POLE2: variants seen among roughly 807,000 people sequenced by gnomAD.
The protein encoded by POLE2 is DNA polymerase epsilon 2, accessory subunit.
POLE2 carries 56 observed loss-of-function variants against 79.4 expected under a neutral mutation model. That is an observed-to-expected ratio of 0.71 (90% confidence interval 0.57 to 0.88). The LOEUF is 0.88. POLE2 is among the 40% of genes least tolerant of loss of function. The pLI is 0.00. For synonymous variants in POLE2, 212 were observed against 214.0 expected (o/e 0.99, Z 0.08); for missense variants, 598 against 638.9 (o/e 0.94, Z 0.69).
intron 2 of POLE2, among the ~76,000 whole-genome samples, chr14:49,681,655 T>C (rs1352550618): frequency 6.6e-6 from 1 of 151,848 alleles, no homozygotes; most frequent in African/African-American, 2.4e-5. Flanking sequence ...GCACCTGTAG[T>C]CCCAGCTACT....
chr14:49,677,828 T>C, intron 3 of POLE2: 1 of 503,706 alleles, frequency 2.0e-6, no homozygotes, highest in Non-Finnish European at 3.4e-6. Flanking sequence ...TCACAATGCT[T>C]GCCTCCTCAG....
Position 49,655,740 on chromosome 14 carries a change from ACATAG to A in POLE2, c.854_858del (p.Ala285ValfsTer6). On this transcript the variant is annotated frameshift_variant, in exon 11 of 19. Transcript: ENST00000216367. LOFTEE classifies it high-confidence loss of function. ...AACCAAACATCAGATAAAAACACAA[ACATAG>A]CATCTTTATTCTCCTCTTCTAGCTG... The A allele has an allele frequency of 6.2e-7, 1 of 1,611,814 alleles. No individual in the cohort carries two copies. The highest frequency in any genetic ancestry group is 8.5e-7 in the Non-Finnish European group (1 of 1,178,498).
chr14:49,654,588 C>A (rs1016220619), intron 13 of POLE2, 196 bp downstream of exon 13: 5 of 604,758 alleles, frequency 8.3e-6, no homozygotes, highest in African/African-American at 7.8e-5. Flanking sequence ...GCTGAAATTA[C>A]CTCTATCCCT....
chr14:49,660,734 A>T (rs1885040904), intron 10 of POLE2, among the ~76,000 whole-genome samples: 1 of 152,176 alleles, frequency 6.6e-6, no homozygotes, highest in Non-Finnish European at 1.5e-5. Context: ...TCTACTAAAA[A>T]TACAAAATTA....
In POLE2 at chr14:49,678,003, A is replaced by AT. The variant is rs762661315; in HGVS notation, c.245+1721dup. On this transcript the variant is annotated intron_variant, in intron 3 of 18. Transcript: ENST00000216367. ...TTCTTTATTTTATTTTATTTATTTT[A>AT]TTTTTTTTTTTTTGAGAGACAAGTC... is the stretch of plus-strand genomic sequence containing the variant. 3.8e-3 allele frequency: 561 copies of AT among 146,764 alleles called. 1 individual carries two copies. The highest frequency in any genetic ancestry group is 0.016 in the East Asian group (88 of 5,570). 9.1% of individuals were successfully genotyped at this position (146,764 alleles called of 1,614,324 possible). A position where few individuals can be genotyped will look rare whatever the true frequency, so the allele number is the denominator to read the frequency against.
chr14:49,664,157 T>G (rs558945873), intron 9 of POLE2, among the ~76,000 whole-genome samples: 1 of 152,106 alleles, frequency 6.6e-6, no homozygotes, highest in South Asian at 2.1e-4. Flanking sequence ...GAAACCAGCC[T>G]GGGCAACATG....
intron 2 of POLE2, among the ~76,000 whole-genome samples, chr14:49,681,121 T>C (rs1333739107): frequency 6.6e-6 from 1 of 152,182 alleles, no homozygotes; most frequent in Non-Finnish European, 1.5e-5. Context: ...TATGCTAAGA[T>C]AAAGTGGACA....
chr14:49,655,138 A>C, intron 11 of POLE2, 44 bp from the exon 12 acceptor site: 1 of 896,288 alleles, frequency 1.1e-6, no homozygotes, highest in Non-Finnish European at 1.6e-6. Context: ...TCTAGTCTAC[A>C]AATCAAGTTA....
At chr14:49,674,470 A>C (rs761773328) in intron 3 of POLE2, 43 bp from the exon 4 acceptor site, 2 of 1,167,124 alleles carry the variant, frequency 1.7e-6, no homozygotes, top group Non-Finnish European at 2.6e-6. Flanking sequence ...TTACTAAAAC[A>C]TAAGTACTCT....
chr14:49,680,353 C>CAA (rs34930369), intron 2 of POLE2, among the ~76,000 whole-genome samples: 106 of 140,048 alleles, frequency 7.6e-4, no homozygotes, highest in African/African-American at 2.4e-3. Context: ...GATACTATCT[C>CAA]AAAAAAAAAA....
intron 10 of POLE2, among the ~76,000 whole-genome samples, chr14:49,659,364 A>G (rs1156997674): frequency 2.6e-5 from 4 of 152,056 alleles, no homozygotes; most frequent in Non-Finnish European, 4.4e-5. Context: ...TAATCATATC[A>G]CTGCATTCCA....
chr14:49,667,218 T>G (rs1885553350), intron 6 of POLE2, among the ~76,000 whole-genome samples: 2 of 151,710 alleles, frequency 1.3e-5, no homozygotes, highest in African/African-American at 4.8e-5. Flanking sequence ...AAACTTTCCA[T>G]CTTTTTCTAT....
chr14:49,669,609 G>A lies in POLE2; in HGVS notation c.418-11C>T, dbSNP rs544869864. The A allele has an allele frequency of 7.6e-6, 11 of 1,439,678 alleles. No homozygotes were observed. The highest frequency in any genetic ancestry group is 1.4e-5 in the African/African-American group (1 of 71,426). 89.2% of individuals were successfully genotyped at this position (1,439,678 alleles called of 1,614,324 possible). A position where few individuals can be genotyped will look rare whatever the true frequency, so the allele number is the denominator to read the frequency against. ...ATGCCTGTGGGTCCTCTATAAAAAAGAAAGATTCACATGAATTCCTGAAAC... is the reference window on the plus strand; with the variant it reads ...ATGCCTGTGGGTCCTCTATAAAAAAAAAAGATTCACATGAATTCCTGAAAC... On this transcript the variant is annotated splice_polypyrimidine_tract_variant and intron_variant, in intron 5 of 18. Transcript: ENST00000216367.
chr14:49,681,551 A>T (rs1886704441), intron 2 of POLE2: 1 of 152,214 alleles, frequency 6.6e-6, no homozygotes. Context: ...AGGTGGGTGG[A>T]TTACCTGAGG....
At chr14:49,646,302 G>GTTTTTTTTGTTTT (rs1883758731) in intron 18 of POLE2, among the ~76,000 whole-genome samples, 10 of 84,578 alleles carry the variant, frequency 1.2e-4, no homozygotes, top group African/African-American at 2.4e-4. Flanking sequence ...TTTTTTGTTG[G>GTTTTTTTTGTTTT]TTTTTTTTTT....
chr14:49,672,872 G>GA (rs574697863), intron 5 of POLE2, among the ~76,000 whole-genome samples: 85 of 152,162 alleles, frequency 5.6e-4, no homozygotes, highest in Non-Finnish European at 1.0e-3. Flanking sequence ...ACTCTATGCA[G>GA]ATGCTCCCAA....
At position 49,669,534 on chromosome 14, in the gene POLE2, C is replaced by A. The variant is rs774521998; in HGVS notation, c.482G>T (p.Ser161Ile). ...GGATAATGTTCTAACCTGGAATTTG[C>A]TTCCGCTTTCATCAGGGTGAGAACC... ...VIGSHPDESGSKFQLKTIETL... is the reference protein window; with the variant it reads ...VIGSHPDESGIKFQLKTIETL... Residue 161 changes from serine to isoleucine, a missense_variant, in exon 6 of 19, where the codon AGC (serine) becomes ATC (isoleucine). Transcript: ENST00000216367. 1.9e-6 allele frequency: 3 copies of A among 1,569,880 alleles called. No homozygotes were observed. In the African/African-American group the frequency reaches 4.1e-5, roughly 21 times the overall value.
intron 10 of POLE2, among the ~76,000 whole-genome samples, chr14:49,661,310 G>A (rs1381690365): frequency 6.6e-6 from 1 of 152,186 alleles, no homozygotes; most frequent in Non-Finnish European, 1.5e-5. Context: ...GCTTAGTACG[G>A]TGTGAGCCCT....
At chr14:49,649,478 C>A (rs1316702676) in intron 17 of POLE2, among the ~76,000 whole-genome samples, 1 of 147,360 alleles carries the variant, frequency 6.8e-6, no homozygotes, top group Admixed American at 6.9e-5. Flanking sequence ...GAGATGGAGT[C>A]TCGCTCTGTC....
Sources: allele counts gnomAD v4.1 joint callset (sites outside exome capture counted in the v4.1 genomes callset), GRCh38; gene constraint gnomAD v4.1.1; transcripts MANE v1.5; gene names NCBI Gene and HGNC (gene_info 2026-07-23, HGNC 2026-07-21).